THSD7A: variants seen among roughly 807,000 people sequenced by gnomAD.
The protein encoded by THSD7A is thrombospondin type 1 domain containing 7A.
THSD7A carries 96 observed loss-of-function variants against 231.3 expected under a neutral mutation model. That is an observed-to-expected ratio of 0.41 (90% CI 0.35 to 0.49). The LOEUF (loss-of-function observed/expected upper bound fraction) is 0.49, where lower values mean the gene tolerates loss of function less well. Ranked by LOEUF, THSD7A falls within the 20% of genes least tolerant of loss-of-function variation. THSD7A has a pLI of 0.05. For synonymous variants in THSD7A, 940 were observed against 743.3 expected, an observed-to-expected ratio of 1.26 and a Z score of -4.30; for missense variants, 2,290 against 2,070.2, an observed-to-expected ratio of 1.11 and a Z score of -2.06.
intron 11 of THSD7A, among the ~76,000 whole-genome samples, chr7:11,454,660 A>AT (rs1785247868): frequency 6.6e-6 from 1 of 150,900 alleles, no homozygotes; most frequent in African/African-American, 2.4e-5. Flanking sequence ...CCTATAGTAT[A>AT]TTTTCTACCA....
At chr7:11,429,640 A>G (rs1784420581) in intron 13 of THSD7A, among the ~76,000 whole-genome samples, 1 of 152,208 alleles carries the variant, frequency 6.6e-6, no homozygotes, top group African/African-American at 2.4e-5. Context: ...CTGAAGAAAA[A>G]TGCAGGATGT....
Position 11,411,361 on chromosome 7 carries a change from T to A in THSD7A, c.3683-39A>T. ...AAGCCCATCAGAACAGAAGGCTAAG[T>A]AAGAAACAGATTTCAAATGAAACTC... On this transcript the variant is annotated intron_variant, in intron 18 of 27. Transcript: ENST00000423059. This position sits in a 1 kb window ranked among gnomAD's most constrained non-coding sequence, Gnocchi z 4.1. 1 of 1,392,786 alleles carries A rather than the reference T, an allele frequency of 7.2e-7. No individual in the cohort carries two copies. The highest frequency in any genetic ancestry group is 1.2e-5 in the South Asian group (1 of 82,742). 86.3% of individuals were successfully genotyped at this position (1,392,786 alleles called of 1,614,324 possible).
At position 11,715,384 on chromosome 7, in the gene THSD7A, T is replaced by G. The variant is rs144723021; in HGVS notation, c.191-78423A>C. ...ATAGTACAATAGCAATTCTAAAATA[T>G]GCAGGAAAAAAATGAAGAATGCCTA... On this transcript the variant is annotated intron_variant, in intron 1 of 27. Transcript: ENST00000423059. Among the ~76,000 whole-genome samples, 23 of 151,550 alleles carry G rather than the reference T, an allele frequency of 1.5e-4. No homozygotes were observed. In the East Asian group the frequency reaches 4.5e-3, roughly 30 times the overall value.
At position 11,374,448 on chromosome 7, in the gene THSD7A, A is replaced by AT. The variant is rs2115277331; in HGVS notation, c.*1345_*1346insA. Reference sequence around the variant, plus strand: ...TCAAATTTTGCCAGTGAGAAAGGCAAAAGACTATGGATTTTGAAATAACTG... The same window carrying AT: ...TCAAATTTTGCCAGTGAGAAAGGCAATAAGACTATGGATTTTGAAATAACTG... On this transcript the variant is annotated 3_prime_UTR_variant, in exon 28 of 28. Coordinates refer to ENST00000423059, the MANE Select transcript of THSD7A (RefSeq NM_015204.3). 1 of 152,220 alleles carries AT rather than the reference A, an allele frequency of 6.6e-6. No individual in the cohort carries two copies. The highest frequency in any genetic ancestry group is 1.9e-4 in the East Asian group (1 of 5,170). The allele number at this position is 152,220 out of a possible 1,614,324, so 9.4% of individuals were successfully genotyped here. A position where few individuals can be genotyped will look rare whatever the true frequency, so the allele number is the denominator to read the frequency against.
At chr7:11,407,852 C>T (rs186169465) in intron 19 of THSD7A, among the ~76,000 whole-genome samples, 3 of 151,786 alleles carry the variant, frequency 2.0e-5, no homozygotes, top group African/African-American at 7.3e-5. Context: ...AACTGAAAAG[C>T]AAAAGGAAAA....
At chr7:11,543,236 T>C in intron 4 of THSD7A, 119 bp from the exon 5 acceptor site, 2 of 787,030 alleles carry the variant, frequency 2.5e-6, no homozygotes, top group Non-Finnish European at 3.9e-6. Flanking sequence ...ACCAAGACAT[T>C]ATTCCAATGC....
At chr7:11,681,479 T>C (rs1383274315) in intron 1 of THSD7A, among the ~76,000 whole-genome samples, 1 of 152,060 alleles carries the variant, frequency 6.6e-6, no homozygotes, top group Middle Eastern at 3.4e-3. Context: ...GCCCCAATAA[T>C]AAATTAAGCC....
chr7:11,573,560 C>T (rs1235881265), intron 4 of THSD7A, among the ~76,000 whole-genome samples: 2 of 152,232 alleles, frequency 1.3e-5, no homozygotes, highest in African/African-American at 2.4e-5. Flanking sequence ...TGACTAAAAA[C>T]AGCTGCTTTA....
At chr7:11,614,191 T>C (rs1781028315) in intron 2 of THSD7A, among the ~76,000 whole-genome samples, 5 of 152,162 alleles carry the variant, frequency 3.3e-5, no homozygotes, top group South Asian at 2.1e-4. Context: ...GAGTTACACC[T>C]AATAATCCAC....
Position 11,471,232 on chromosome 7 carries a change from G to A in THSD7A, c.2253-1238C>T, listed in dbSNP as rs114039444. On this transcript the variant is annotated intron_variant, in intron 8 of 27. Coordinates refer to ENST00000423059, the MANE Select transcript of THSD7A (RefSeq NM_015204.3). Reference sequence around the variant, plus strand: ...TAAATCCCTGCCATGTAAGCTAACAGGCAATGAAAAAATAATCTAAACAAC... The same window carrying A: ...TAAATCCCTGCCATGTAAGCTAACAAGCAATGAAAAAATAATCTAAACAAC... Among the ~76,000 whole-genome samples, 797 of 151,956 alleles carry A rather than the reference G, an allele frequency of 5.2e-3. 5 individuals carry two copies. The highest frequency in any genetic ancestry group is 0.018 in the African/African-American group (758 of 41,520).
chr7:11,518,613 A>ACACG (rs1788133985), intron 6 of THSD7A, among the ~76,000 whole-genome samples: 1 of 151,732 alleles, frequency 6.6e-6, no homozygotes, highest in Non-Finnish European at 1.5e-5. Flanking sequence ...ACACACACAC[A>ACACG]CACACACGCA....
At chr7:11,630,838 G>A (rs1474383944) in intron 2 of THSD7A, among the ~76,000 whole-genome samples, 1 of 152,170 alleles carries the variant, frequency 6.6e-6, no homozygotes, top group Non-Finnish European at 1.5e-5. Context: ...TCAATACGCA[G>A]ATTTGGTTCT....
chr7:11,426,850 T>A (rs906268872), intron 14 of THSD7A, among the ~76,000 whole-genome samples, 179 bp from the exon 15 acceptor site: 43 of 152,188 alleles, frequency 2.8e-4, no homozygotes, highest in Non-Finnish European at 6.0e-4. Context: ...AATACACAAC[T>A]ACTTATTAAT....
At chr7:11,615,620 T>C (rs778267814) in intron 2 of THSD7A, among the ~76,000 whole-genome samples, 4 of 152,224 alleles carry the variant, frequency 2.6e-5, no homozygotes, top group Non-Finnish European at 4.4e-5. Flanking sequence ...TTTGGATATA[T>C]AGTGTACTCA....
intron 2 of THSD7A, among the ~76,000 whole-genome samples, chr7:11,612,815 C>T (rs1190805472): frequency 6.6e-6 from 1 of 152,140 alleles, no homozygotes; most frequent in African/African-American, 2.4e-5. Flanking sequence ...GTGGTTAACT[C>T]TTAGTTGCCT....
At chr7:11,532,579 TAAG>T (rs1358067149) in intron 6 of THSD7A, among the ~76,000 whole-genome samples, 4 of 152,128 alleles carry the variant, frequency 2.6e-5, no homozygotes, top group Admixed American at 2.6e-4. Context: ...CAAAAGTAGG[TAAG>T]AAGATTGTTA....
chr7:11,587,584 AC>A (rs1162413351), intron 4 of THSD7A, among the ~76,000 whole-genome samples: 1 of 152,222 alleles, frequency 6.6e-6, no homozygotes, highest in African/African-American at 2.4e-5. Flanking sequence ...CAAATAGCAT[AC>A]TAAATTGTGA....
chr7:11,746,075 G>A (rs1782289422), intron 1 of THSD7A, among the ~76,000 whole-genome samples: 1 of 152,032 alleles, frequency 6.6e-6, no homozygotes, highest in Non-Finnish European at 1.5e-5. Flanking sequence ...TCCTACCCAT[G>A]AGCATGGAAT....
intron 1 of THSD7A, among the ~76,000 whole-genome samples, chr7:11,678,233 G>C (rs558322529): frequency 1.3e-5 from 2 of 152,122 alleles, no homozygotes; most frequent in Admixed American, 1.3e-4. Flanking sequence ...ATGCCCATAG[G>C]AGAAAGCAGG....
Sources: gnomAD v4.1 joint callset for allele counts (sites outside exome capture counted in the v4.1 genomes callset) on GRCh38, gnomAD v4.1.1 for gene constraint, Gnocchi (gnomAD v3.1) non-coding constraint, MANE v1.5 for transcripts, NCBI Gene and HGNC (gene_info 2026-07-23, HGNC 2026-07-21) for gene names.